MYRIP: variants seen among roughly 807,000 people sequenced by gnomAD.
MYRIP encodes myosin VIIA and Rab interacting protein.
Under a neutral mutation model 98.0 loss-of-function variants are expected in MYRIP, and 49 were observed. The observed-to-expected ratio is 0.50, with a 90% CI of 0.40 to 0.63. The LOEUF (loss-of-function observed/expected upper bound fraction) is 0.63, where lower values mean the gene tolerates loss of function less well. Among genes scored for constraint, MYRIP ranks in the 30% least tolerant of loss-of-function variants. The pLI is 0.00. For missense variants in MYRIP, 1,004 were observed against 1,058.2 expected, an observed-to-expected ratio of 0.95 and a Z score of 0.71; for synonymous variants, 404 against 409.5, an observed-to-expected ratio of 0.99 and a Z score of 0.16.
chr3:40,205,186 TC>T (rs1951758400), intron 10 of MYRIP, among the ~76,000 whole-genome samples: 1 of 152,122 alleles, frequency 6.6e-6, no homozygotes. Context: ...GTCACAGGCA[TC>T]CTGCAAGGCT....
At chr3:40,143,264 C>T (rs1260420248) in intron 3 of MYRIP, among the ~76,000 whole-genome samples, 1 of 152,134 alleles carries the variant, frequency 6.6e-6, no homozygotes, top group East Asian at 1.9e-4. Context: ...AGGATTCCAC[C>T]CTGTCCTCTA....
chr3:39,840,623 T>C (rs1287683408), intron 1 of MYRIP, among the ~76,000 whole-genome samples: 2 of 152,236 alleles, frequency 1.3e-5, no homozygotes, highest in African/African-American at 4.8e-5. Context: ...CCATATTTAG[T>C]GCTTTCTTCA....
chr3:40,214,266 T>C (rs2125673348), intron 11 of MYRIP, among the ~76,000 whole-genome samples: 1 of 152,316 alleles, frequency 6.6e-6, no homozygotes, highest in East Asian at 1.9e-4. Context: ...GAGGCTTGCC[T>C]CACACAGAGG....
chr3:40,091,708 C>A (rs1050998021), intron 3 of MYRIP, among the ~76,000 whole-genome samples: 1 of 152,114 alleles, frequency 6.6e-6, no homozygotes, highest in Non-Finnish European at 1.5e-5. Context: ...GGCAACAGGG[C>A]ATTTTGCTTG....
intron 3 of MYRIP, among the ~76,000 whole-genome samples, chr3:40,081,426 C>T (rs764727049): frequency 2.0e-4 from 31 of 152,154 alleles, no homozygotes; most frequent in Non-Finnish European, 4.3e-4. Context: ...TAGGTACATA[C>T]AAGTTCAGAA....
intron 3 of MYRIP, among the ~76,000 whole-genome samples, chr3:40,055,685 A>G (rs1193692238): frequency 6.6e-6 from 1 of 152,178 alleles, no homozygotes; most frequent in African/African-American, 2.4e-5. Flanking sequence ...ATCATTTTTC[A>G]TCTGTCCATA....
intron 2 of MYRIP, among the ~76,000 whole-genome samples, chr3:39,905,226 T>C (rs1010323859): frequency 6.6e-6 from 1 of 152,200 alleles, no homozygotes; most frequent in African/African-American, 2.4e-5. Flanking sequence ...ATGCAAATGG[T>C]AAAGAAGACC....
intron 11 of MYRIP, 133 bp downstream of exon 11, chr3:40,210,226 G>T: frequency 1.7e-6 from 2 of 1,147,574 alleles, no homozygotes; most frequent in Non-Finnish European, 2.4e-6. Context: ...CTGTGCATTT[G>T]GGAGAGCCTA....
chr3:40,081,148 G>T (rs956959451), intron 3 of MYRIP, among the ~76,000 whole-genome samples: 1 of 152,038 alleles, frequency 6.6e-6, no homozygotes, highest in African/African-American at 2.4e-5. Context: ...AGACTTACCT[G>T]CCCATGTTAT....
At chr3:39,827,925 G>A (rs553428628) in intron 1 of MYRIP, among the ~76,000 whole-genome samples, 154 of 151,628 alleles carry the variant, frequency 1.0e-3, no homozygotes, top group African/African-American at 3.6e-3. Context: ...ATTCTCTCCT[G>A]TCCTGTAAAA....
chr3:40,151,699 A>C (rs1240477965), intron 4 of MYRIP, among the ~76,000 whole-genome samples: 1 of 152,226 alleles, frequency 6.6e-6, no homozygotes, highest in Non-Finnish European at 1.5e-5. Flanking sequence ...GTTTTTATAC[A>C]GTTAAGATAA....
intron 1 of MYRIP, among the ~76,000 whole-genome samples, chr3:39,855,495 C>T (rs528636434): frequency 1.9e-4 from 29 of 152,152 alleles, no homozygotes; most frequent in East Asian, 1.7e-3. Flanking sequence ...TCTCCTTGGA[C>T]GGGGCTTCCT....
At chr3:40,078,116 G>A (rs1034689534) in intron 3 of MYRIP, among the ~76,000 whole-genome samples, 7 of 152,244 alleles carry the variant, frequency 4.6e-5, no homozygotes, top group African/African-American at 7.2e-5. Context: ...GCGCAGCGCC[G>A]GTGGGCTGGC....
chr3:40,001,496 A>T (rs1035598577), intron 2 of MYRIP, among the ~76,000 whole-genome samples: 13 of 152,210 alleles, frequency 8.5e-5, no homozygotes, highest in Non-Finnish European at 2.9e-5. Context: ...GTTATCATGC[A>T]GTTCTGTCTC....
intron 3 of MYRIP, among the ~76,000 whole-genome samples, chr3:40,044,600 G>A (rs539386892): frequency 2.6e-5 from 4 of 152,252 alleles, no homozygotes; most frequent in African/African-American, 9.6e-5. Flanking sequence ...AGCATGTGTT[G>A]GATTCTTAGG....
At chr3:39,882,451 A>C (rs760549147) in intron 1 of MYRIP, among the ~76,000 whole-genome samples, 2 of 152,210 alleles carry the variant, frequency 1.3e-5, no homozygotes, top group Non-Finnish European at 2.9e-5. Context: ...AGAACCCACA[A>C]ATGACATTTA....
chr3:40,098,520 G>A (rs533778190), intron 3 of MYRIP, among the ~76,000 whole-genome samples: 24 of 152,268 alleles, frequency 1.6e-4, no homozygotes, highest in African/African-American at 5.3e-4. Flanking sequence ...TACATAAACA[G>A]TGTTGCACTG....
At chr3:39,961,553 G>T (rs1459875608) in intron 2 of MYRIP, among the ~76,000 whole-genome samples, 2 of 152,032 alleles carry the variant, frequency 1.3e-5, no homozygotes, top group African/African-American at 4.8e-5. Context: ...GTTGAGTCTG[G>T]ATTGTTGAGG....
intron 1 of MYRIP, among the ~76,000 whole-genome samples, chr3:39,896,115 C>G (rs1943605456): frequency 6.6e-6 from 1 of 151,796 alleles, no homozygotes; most frequent in Non-Finnish European, 1.5e-5. Context: ...AAACAAAAAA[C>G]AAAATGGAAA....
Sources: allele counts gnomAD v4.1 joint callset (sites outside exome capture counted in the v4.1 genomes callset), GRCh38; gene constraint gnomAD v4.1.1; transcripts MANE v1.5; gene names NCBI Gene and HGNC (gene_info 2026-07-23, HGNC 2026-07-21).